SYNE2: variants seen among roughly 807,000 people sequenced by gnomAD.
SYNE2 encodes the protein nesprin-2.
A neutral mutation model predicts 856.3 loss-of-function variants in SYNE2; 431 were observed. That is an observed-to-expected ratio of 0.50 (90% CI 0.47 to 0.55). The LOEUF (loss-of-function observed/expected upper bound fraction) is 0.55. Ranked by LOEUF, SYNE2 falls within the 20% of genes least tolerant of loss-of-function variation. The pLI, the probability that SYNE2 is intolerant of heterozygous loss-of-function variation, is 0.00. For missense variants in SYNE2, 8,129 were observed against 8,023.2 expected, an observed-to-expected ratio of 1.01 and a Z score of -0.50; for synonymous variants, 2,923 against 2,872.3, an observed-to-expected ratio of 1.02 and a Z score of -0.56.
Position 64,221,654 on chromosome 14 carries a change from G to A in SYNE2, c.20140G>A (p.Asp6714Asn), listed in dbSNP as rs751000273. 6.5e-5 allele frequency: 105 copies of A among 1,613,978 alleles called. 1 individual carries two copies. Among genetic ancestry groups the A allele is most frequent in the Admixed American group, 4.8e-4 (29 of 59,998 alleles). ...CCGGAGGCAGAAGGCTCATGTCACCGATCCAAAGGCAGACCCCCGGGCTCT... is the reference window on the plus strand; with the variant it reads ...CCGGAGGCAGAAGGCTCATGTCACCAATCCAAAGGCAGACCCCCGGGCTCT... ...KNRRQKAHVT[D>N]PKADPRALLE... Residue 6714 changes from aspartate (D) to asparagine (N), a missense_variant, in exon 112 of 116, where the codon GAT (aspartate) becomes AAT (asparagine). Around this residue, in one of 3 missense-constraint regions of SYNE2, gnomAD observed 5,410 missense variants for 5,284.8 expected, o/e 1.02. Transcript: ENST00000555002.
intron 82 of SYNE2, 36 bp from the exon 83 acceptor site, chr14:64,143,736 C>T: frequency 6.2e-7 from 1 of 1,611,086 alleles, no homozygotes; most frequent in Non-Finnish European, 8.5e-7. Flanking sequence ...GACCAACATT[C>T]ATGACTGCTT....
intron 1 of SYNE2, chr14:63,873,325 C>T (rs1287539031): frequency 6.6e-6 from 1 of 151,974 alleles, no homozygotes; most frequent in African/African-American, 2.4e-5. Context: ...ATTAATTTCC[C>T]CATATTTCCA....
chr14:63,767,222 T>C (rs1186255003), intron 1 of SYNE2, among the ~76,000 whole-genome samples: 2 of 151,810 alleles, frequency 1.3e-5, no homozygotes, highest in East Asian at 1.9e-4. Flanking sequence ...TCTCCTGCCT[T>C]AGCCTCCCAA....
intron 1 of SYNE2, among the ~76,000 whole-genome samples, chr14:63,864,986 C>T (rs917033902): frequency 5.3e-5 from 8 of 150,956 alleles, no homozygotes; most frequent in African/African-American, 2.0e-4. Flanking sequence ...AGTCTGACCC[C>T]TGGTTCAAAT....
At chr14:64,038,251 G>A (rs1267716728) in intron 45 of SYNE2, among the ~76,000 whole-genome samples, 18 of 150,020 alleles carry the variant, frequency 1.2e-4, no homozygotes, top group Non-Finnish European at 2.4e-4. Context: ...GATGGCGGCC[G>A]GGAAGAGGCG....
chr14:64,147,156 C>T (rs1261000932), intron 84 of SYNE2, among the ~76,000 whole-genome samples: 3 of 152,100 alleles, frequency 2.0e-5, no homozygotes, highest in Non-Finnish European at 4.4e-5. Context: ...TGTTTTCATG[C>T]GTGTCGCTAC....
chr14:63,859,806 ACT>A (rs1893000368), intron 1 of SYNE2, among the ~76,000 whole-genome samples: 4 of 152,148 alleles, frequency 2.6e-5, no homozygotes, highest in African/African-American at 9.6e-5. Flanking sequence ...ACAGAGCAAG[ACT>A]CTGCCTCGGG....
Position 64,002,076 on chromosome 14 carries a change from C to G in SYNE2, c.3781C>G (p.Leu1261Val). The change falls in exon 29 of 116, where the codon CTA becomes GTA. Residue 1261 changes from leucine (L) to valine (V), a missense_variant. Transcript: ENST00000555002. ...LIDADRIYQHLRNIQDSIAKQ... is the reference protein window; with the variant it reads ...LIDADRIYQHVRNIQDSIAKQ... Reference sequence around the variant, plus strand: ...TGATGCTGATCGCATCTATCAACACCTAAGGGTAAGTATATAAGTTCTCAC... The same window carrying G: ...TGATGCTGATCGCATCTATCAACACGTAAGGGTAAGTATATAAGTTCTCAC... The G allele has an allele frequency of 6.2e-7, 1 of 1,610,320 alleles. No homozygotes were observed. The highest frequency in any genetic ancestry group is 1.3e-5 in the African/African-American group (1 of 74,950).
At position 64,166,638 on chromosome 14, in the gene SYNE2, T is replaced by C. The variant is rs147955917; in HGVS notation, c.16606-595T>C. 2.2e-4 allele frequency: 36 copies of C among 162,994 alleles called. No individual in the cohort carries two copies. In the East Asian group the frequency reaches 6.5e-3, roughly 29 times the overall value. The allele number at this position is 162,994 out of a possible 1,614,324, so 10.1% of individuals were successfully genotyped here. A position where few individuals can be genotyped will look rare whatever the true frequency, so the allele number is the denominator to read the frequency against. On this transcript the variant is annotated intron_variant, in intron 90 of 115. Transcript: ENST00000555002. ...CTAAATGGGACTTAAAAGCCCAGAA[T>C]TGGTCCTTTTTTAAAAAGCATGTTA...
At position 64,092,330 on chromosome 14, in the gene SYNE2, CAT is replaced by C; in HGVS notation, c.11977-1014_11977-1013del. On this transcript the variant is annotated intron_variant, in intron 60 of 115. Coordinates refer to ENST00000555002, the MANE Select transcript of SYNE2 (RefSeq NM_182914.3). ...TGCTGGTGGCAATCAGATGTCCCCT[CAT>C]ATATTTCAAAGCTAAGGAAGACAGT... 3.3e-5 allele frequency among the ~76,000 whole-genome samples: 5 copies of C among 152,268 alleles called. No homozygotes were observed. In the Middle Eastern group the frequency reaches 0.014, roughly 414 times the overall value.
chr14:64,078,595 G>A lies in SYNE2; in HGVS notation c.11152G>A (p.Glu3718Lys). ...AAGCAAAAATATTGAGAAAGCTCAA[G>A]AAATTCAAAAGGTAAAATCCTCCTT... ...QKSKNIEKAQ[E>K]IQKKMWDELD... Residue 3718 changes from glutamate (E) to lysine (K), a missense_variant, in exon 55 of 116, where the codon GAA (glutamate) becomes AAA (lysine). Glu to Lys is a moderately conservative substitution (Grantham distance 56, BLOSUM62 1). This residue lies in a region of SYNE2 where 5,410 missense variants were observed against 5,284.8 expected (regional missense o/e 1.02). Coordinates refer to ENST00000555002, the MANE Select transcript of SYNE2 (RefSeq NM_182914.3). The A allele has an allele frequency of 1.9e-6, 3 of 1,613,978 alleles. No individual in the cohort carries two copies. In the South Asian group the frequency reaches 3.3e-5, roughly 18 times the overall value.
intron 21 of SYNE2, among the ~76,000 whole-genome samples, chr14:63,991,723 G>A (rs555781825): frequency 2.0e-5 from 3 of 152,270 alleles, no homozygotes; most frequent in Admixed American, 2.0e-4. Context: ...GGGATTAGAA[G>A]CAAAGCTAAA....
intron 84 of SYNE2, among the ~76,000 whole-genome samples, chr14:64,146,538 A>G (rs1257969585): frequency 2.6e-5 from 4 of 152,206 alleles, no homozygotes; most frequent in Non-Finnish European, 5.9e-5. Context: ...CATTTGTTTA[A>G]TCATTTTGCC....
chr14:64,120,435 T>C (rs2097889415), intron 67 of SYNE2, among the ~76,000 whole-genome samples: 1 of 152,228 alleles, frequency 6.6e-6, no homozygotes, highest in African/African-American at 2.4e-5. Context: ...TCACCAAATG[T>C]AGTAGTTTTT....
intron 1 of SYNE2, chr14:63,874,113 T>TTCCTTCTC (rs1173178495): frequency 5.2e-5 from 8 of 152,398 alleles, no homozygotes; most frequent in African/African-American, 1.9e-4. Flanking sequence ...GGCTGTGTGC[T>TTCCTTCTC]TCCTTCTCTC....
At chr14:63,838,871 C>G (rs1259228017) in intron 1 of SYNE2, among the ~76,000 whole-genome samples, 1 of 151,938 alleles carries the variant, frequency 6.6e-6, no homozygotes, top group Admixed American at 6.6e-5. Context: ...AGTAGAAATT[C>G]TCTGTCTTAA....
intron 11 of SYNE2, among the ~76,000 whole-genome samples, chr14:63,974,913 TA>T (rs2096528935): frequency 2.0e-5 from 1 of 49,390 alleles, no homozygotes; most frequent in Non-Finnish European, 4.0e-5. Flanking sequence ...TATATATATA[TA>T]TATGTATCTT....
Position 64,126,491 on chromosome 14 carries a change from C to T in SYNE2, c.13707+12C>T. The T allele has an allele frequency of 6.2e-7, 1 of 1,614,116 alleles. No individual in the cohort carries two copies. The highest frequency in any genetic ancestry group is 1.1e-5 in the South Asian group (1 of 91,084). On this transcript the variant is annotated intron_variant, in intron 72 of 115. Transcript: ENST00000555002. ...AGGTGCACTACGAGGTAGGGCACTT[C>T]TCACGAGCCCATGTGTTGGCCATTA...
At chr14:63,986,859 A>T (rs929569281) in intron 19 of SYNE2, among the ~76,000 whole-genome samples, 2 of 152,186 alleles carry the variant, frequency 1.3e-5, no homozygotes, top group African/African-American at 2.4e-5. Context: ...TTATTTTCTT[A>T]GCTATAACAT....
Sources: allele counts gnomAD v4.1 joint callset (sites outside exome capture counted in the v4.1 genomes callset), GRCh38; gene constraint gnomAD v4.1.1; regional missense constraint gnomAD v4.1.1; transcripts MANE v1.5; gene names NCBI Gene and HGNC (gene_info 2026-07-23, HGNC 2026-07-21).